CPQ: variants seen among roughly 807,000 people sequenced by gnomAD.
CPQ encodes carboxypeptidase Q.
Under a neutral mutation model 45.7 loss-of-function variants are expected in CPQ, and 37 were observed. That is an observed-to-expected ratio of 0.81 (90% CI 0.62 to 1.07). The LOEUF is 1.07. Among genes scored for constraint, CPQ ranks in the 50% least tolerant of loss-of-function variants. The probability of loss-of-function intolerance (pLI) is 0.00; values close to 1 mark genes in which losing one functional copy is unlikely to be tolerated. For synonymous variants in CPQ, 186 were observed against 205.8 expected (o/e 0.90, Z 0.82); for missense variants, 537 against 572.9 (o/e 0.94, Z 0.64).
At chr8:96,718,442 C>T (rs1284189539) in intron 1 of CPQ, among the ~76,000 whole-genome samples, 1 of 151,716 alleles carries the variant, frequency 6.6e-6, no homozygotes. Context: ...CTTAAGGCAG[C>T]GCGTCTGGAG....
chr8:96,826,245 A>T (rs1365016064), intron 2 of CPQ, among the ~76,000 whole-genome samples: 1 of 152,066 alleles, frequency 6.6e-6, no homozygotes, highest in East Asian at 1.9e-4. Flanking sequence ...GATGTGTGAT[A>T]GGAGGAGGAA....
At chr8:96,834,002 T>TA (rs1811493946) in intron 2 of CPQ, among the ~76,000 whole-genome samples, 3 of 152,252 alleles carry the variant, frequency 2.0e-5, no homozygotes, top group African/African-American at 7.2e-5. Context: ...TTTACTGACA[T>TA]ACTTCATGAC....
intron 1 of CPQ, chr8:96,680,585 A>G (rs1293281490): frequency 6.6e-6 from 1 of 152,216 alleles, no homozygotes; most frequent in African/African-American, 2.4e-5. Context: ...TAAATTTTCC[A>G]GTCTTGGGTA....
At chr8:97,065,950 C>T in intron 6 of CPQ, 59 bp from the exon 7 acceptor site, 1 of 1,522,388 alleles carries the variant, frequency 6.6e-7, no homozygotes, top group Non-Finnish European at 9.1e-7. Flanking sequence ...TTTGATAGTT[C>T]CCAAGGAGAA....
intron 5 of CPQ, among the ~76,000 whole-genome samples, chr8:96,974,167 GGT>G (rs1013663668): frequency 4.6e-5 from 7 of 152,060 alleles, no homozygotes; most frequent in Admixed American, 3.9e-4. Flanking sequence ...AAGATGAAGG[GGT>G]GGAAAAAGAT....
rs193260958 is a variant in CPQ, at chr8:96,802,708, G to A, written c.433+17378G>A. 4.0e-3 allele frequency among the ~76,000 whole-genome samples: 609 copies of A among 152,276 alleles called. 4 individuals are homozygous for A. Among genetic ancestry groups the A allele is most frequent in the Middle Eastern group, 0.01 (3 of 294 alleles). On this transcript the variant is annotated intron_variant, in intron 2 of 7. Coordinates refer to ENST00000220763, the MANE Select transcript of CPQ (RefSeq NM_016134.4). ...TCTGCTATTGGTAAATGCATTGGAT[G>A]TTCAAAGCTTGATTGACTAAGTGGG...
chr8:97,070,245 C>T lies in CPQ; in HGVS notation c.1255+4035C>T, dbSNP rs879264296. On this transcript the variant is annotated intron_variant, in intron 7 of 7. Transcript: ENST00000220763. ...GGTGTTCATGAATCCTTCCTGAGTCCGTAGTGCTCTATTGCTTTTCCAAAT... is the reference window on the plus strand; with the variant it reads ...GGTGTTCATGAATCCTTCCTGAGTCTGTAGTGCTCTATTGCTTTTCCAAAT... Among the ~76,000 whole-genome samples, 6 of 152,184 alleles carry T rather than the reference C, an allele frequency of 3.9e-5. 1 individual carries two copies. The highest frequency in any genetic ancestry group is 1.3e-4 in the Admixed American group (2 of 15,262).
intron 7 of CPQ, among the ~76,000 whole-genome samples, chr8:97,128,688 A>AAAAC (rs937141003): frequency 1.7e-4 from 26 of 152,188 alleles, no homozygotes; most frequent in South Asian, 4.1e-4. Flanking sequence ...CTGTCTCAAA[A>AAAAC]AAACAAACAA....
At chr8:97,064,601 T>C (rs1226124345) in intron 6 of CPQ, among the ~76,000 whole-genome samples, 2 of 152,222 alleles carry the variant, frequency 1.3e-5, no homozygotes, top group Middle Eastern at 3.4e-3. Context: ...TAACAAAAAA[T>C]ATTGGTGTCC....
chr8:96,825,462 C>A (rs1444307876), intron 2 of CPQ, among the ~76,000 whole-genome samples: 1 of 151,972 alleles, frequency 6.6e-6, no homozygotes, highest in Non-Finnish European at 1.5e-5. Context: ...CTTCGTTGTG[C>A]CTCCATTTTG....
intron 7 of CPQ, among the ~76,000 whole-genome samples, chr8:97,114,392 C>G (rs995531527): frequency 6.6e-6 from 1 of 152,188 alleles, no homozygotes; most frequent in Admixed American, 6.5e-5. Context: ...ATTTGCATAT[C>G]TTCTTGAACT....
intron 7 of CPQ, among the ~76,000 whole-genome samples, chr8:97,090,295 CT>C (rs1295048032): frequency 1.3e-5 from 2 of 152,180 alleles, no homozygotes; most frequent in Non-Finnish European, 2.9e-5. Context: ...AATTCCAATG[CT>C]CTGACAAATG....
chr8:96,850,435 G>GCTTAGTT (rs1179841437), intron 3 of CPQ, among the ~76,000 whole-genome samples: 8 of 152,008 alleles, frequency 5.3e-5, no homozygotes, highest in African/African-American at 1.9e-4. Flanking sequence ...ACCTCAAGTC[G>GCTTAGTT]CTTAGTTCCA....
chr8:96,959,891 CAAAA>C (rs540520742), intron 4 of CPQ, among the ~76,000 whole-genome samples: 8 of 80,548 alleles, frequency 9.9e-5, no homozygotes, highest in Non-Finnish European at 2.9e-5. Context: ...ATCACAAAAG[CAAAA>C]AAAAAAAAAA....
chr8:97,009,425 A>G (rs1428809553), intron 5 of CPQ, among the ~76,000 whole-genome samples: 1 of 152,072 alleles, frequency 6.6e-6, no homozygotes, highest in Non-Finnish European at 1.5e-5. Context: ...CTAAAGAGTG[A>G]GTGTGGTTTG....
At chr8:97,096,380 T>C (rs1020980177) in intron 7 of CPQ, among the ~76,000 whole-genome samples, 1 of 152,230 alleles carries the variant, frequency 6.6e-6, no homozygotes, top group Non-Finnish European at 1.5e-5. Flanking sequence ...GTTACATGTC[T>C]ACTTTATGTT....
chr8:96,757,980 G>T (rs1810348811), intron 1 of CPQ, among the ~76,000 whole-genome samples: 1 of 152,126 alleles, frequency 6.6e-6, no homozygotes, highest in African/African-American at 2.4e-5. Context: ...TAATTTGATG[G>T]TTTTTTCAAA....
intron 5 of CPQ, 46 bp from the exon 6 acceptor site, chr8:97,029,357 T>C: frequency 6.5e-7 from 1 of 1,530,572 alleles, no homozygotes; most frequent in South Asian, 1.2e-5. Context: ...TTTATAAAAT[T>C]CAAAATCAAC....
intron 3 of CPQ, among the ~76,000 whole-genome samples, chr8:96,869,375 C>T (rs1373841659): frequency 6.6e-6 from 1 of 151,992 alleles, no homozygotes; most frequent in Non-Finnish European, 1.5e-5. Flanking sequence ...GAAAAAAACA[C>T]TCCTTTTTAA....
Sources: gnomAD v4.1 joint callset for allele counts (sites outside exome capture counted in the v4.1 genomes callset) on GRCh38, gnomAD v4.1.1 for gene constraint, MANE v1.5 for transcripts, NCBI Gene and HGNC (gene_info 2026-07-23, HGNC 2026-07-21) for gene names.